GFM1: variants seen among roughly 807,000 people sequenced by gnomAD.
The protein encoded by GFM1 is G elongation factor mitochondrial 1.
Under a neutral mutation model 96.2 loss-of-function variants are expected in GFM1, and 62 were observed. That is an observed-to-expected ratio of 0.64 (90% CI 0.53 to 0.80). The LOEUF (loss-of-function observed/expected upper bound fraction) is 0.80. GFM1 is among the 30% of genes least tolerant of loss of function. GFM1 has a pLI of 0.00. For missense variants in GFM1, 852 were observed against 916.6 expected (o/e 0.93, Z 0.91); for synonymous variants, 282 against 312.9 (o/e 0.90, Z 1.04).
intron 13 of GFM1, among the ~76,000 whole-genome samples, chr3:158,681,661 T>C (rs1576786064): frequency 6.6e-6 from 1 of 152,204 alleles, no homozygotes; most frequent in Admixed American, 6.5e-5. Context: ...AAGAACACTG[T>C]GTTCCAGGGA....
rs145350556 is a variant in GFM1 at position 158,660,420 on chromosome 3, G to C, written c.1222-454G>C. ...CACCACCATCCCTGGCTAATTTTTT[G>C]TATTTTCAGTAGAGACAGGGTTTCA... On this transcript the variant is annotated intron_variant, in intron 9 of 17. Transcript: ENST00000486715. 14 of 161,090 alleles carry C rather than the reference G, an allele frequency of 8.7e-5. No homozygotes were observed. The East Asian group carries it at 2.5e-3, about 29-fold the overall frequency. 10.0% of individuals were successfully genotyped at this position (161,090 alleles called of 1,614,324 possible).
intron 11 of GFM1, 31 bp downstream of exon 11, chr3:158,662,715 A>C: frequency 1.5e-6 from 2 of 1,342,376 alleles, no homozygotes; most frequent in Non-Finnish European, 2.1e-6. Context: ...TCAGTATATC[A>C]CAATTAAAAC....
intron 14 of GFM1, chr3:158,682,467 G>A: frequency 6.5e-6 from 2 of 307,752 alleles, no homozygotes; most frequent in Non-Finnish European, 1.3e-5. Context: ...ATTTATAAGA[G>A]TTTTATGTGT....
rs766011688 is a variant in GFM1, at chr3:158,673,508, C to CTTTT, written c.1601+7139_1601+7142dup. On this transcript the variant is annotated intron_variant, in intron 13 of 17. Coordinates refer to ENST00000486715, the MANE Select transcript of GFM1 (RefSeq NM_024996.7). Reference sequence around the variant, plus strand: ...TTGAGACCTTTTTTTCTTTTCTTTTCTTTTTTTTTTTTTTTTTTTTGAGAT... The same window carrying CTTTT: ...TTGAGACCTTTTTTTCTTTTCTTTTCTTTTTTTTTTTTTTTTTTTTTTTTGAGAT... Among the ~76,000 whole-genome samples the CTTTT allele has an allele frequency of 3.5e-3, 398 of 114,180 alleles. 6 individuals carry two copies. The highest frequency in any genetic ancestry group is 8.4e-3 in the South Asian group (31 of 3,698). The allele number at this position is 114,180 out of a possible 152,430, so 74.9% of individuals were successfully genotyped here. A position where few individuals can be genotyped will look rare whatever the true frequency, so the allele number is the denominator to read the frequency against.
chr3:158,655,168 A>G (rs9830695), intron 8 of GFM1, among the ~76,000 whole-genome samples: 2,478 of 152,284 alleles, frequency 0.016, 54 homozygotes, highest in African/African-American at 0.058. Flanking sequence ...GAAAATGCCC[A>G]GCCAGTCGCA....
chr3:158,662,576 C>A (rs371110428), intron 10 of GFM1, 52 bp from the exon 11 acceptor site: 202 of 1,001,738 alleles, frequency 2.0e-4, no homozygotes, highest in Non-Finnish European at 3.0e-4. Flanking sequence ...TATCCCTGAC[C>A]CATATGGGTC....
intron 13 of GFM1, chr3:158,669,232 G>C: frequency 1.5e-6 from 2 of 1,333,620 alleles, no homozygotes; most frequent in Non-Finnish European, 2.1e-6. Flanking sequence ...TTCGAATGTT[G>C]TGCAAAAAAT....
intron 9 of GFM1, among the ~76,000 whole-genome samples, chr3:158,659,846 A>G (rs1301877954): frequency 2.6e-5 from 4 of 152,218 alleles, no homozygotes; most frequent in Admixed American, 2.6e-4. Context: ...AAAACCCGAC[A>G]GCGTTGCTGT....
chr3:158,674,877 A>C (rs939220356), intron 13 of GFM1, among the ~76,000 whole-genome samples: 2 of 152,252 alleles, frequency 1.3e-5, no homozygotes, highest in African/African-American at 4.8e-5. Context: ...GTCCAGGAAT[A>C]TCTAGTCCAA....
chr3:158,695,369 AAC>A lies in GFM1; in HGVS notation c.*3904_*3905del, dbSNP rs1726506431. The A allele has an allele frequency of 6.6e-6, 1 of 152,232 alleles. No homozygotes were observed. Among genetic ancestry groups the A allele is most frequent in the African/African-American group, 2.4e-5 (1 of 41,438 alleles). 9.4% of individuals were successfully genotyped at this position (152,232 alleles called of 1,614,324 possible). A position where few individuals can be genotyped will look rare whatever the true frequency, so the allele number is the denominator to read the frequency against. On this transcript the variant is annotated 3_prime_UTR_variant, in exon 18 of 18. Transcript: ENST00000486715. ...AGCACTCCAGCACTCCAGCCTAGGC[AAC>A]AGAGTGAGACTCTGTCTCAAAAAAA...
chr3:158,662,874 G>A (rs1723306231), intron 11 of GFM1, among the ~76,000 whole-genome samples, 190 bp downstream of exon 11: 1 of 152,108 alleles, frequency 6.6e-6, no homozygotes, highest in African/African-American at 2.4e-5. Context: ...TATATTTGAA[G>A]AAATGGATGG....
Position 158,691,161 on chromosome 3 carries a change from G to A in GFM1, c.2093G>A (p.Gly698Asp). 1 of 1,612,298 alleles carries A rather than the reference G, an allele frequency of 6.2e-7. No individual in the cohort carries two copies. Among genetic ancestry groups the A allele is most frequent in the South Asian group, 1.1e-5 (1 of 91,052 alleles). The change falls in exon 17 of 18, where the codon GGT (glycine) becomes GAT (aspartate). Residue 698 changes from glycine (G) to aspartate (D), a missense_variant. Transcript: ENST00000486715. ...CAGGTCCCTCTAAATGATATGTTTGGTTATTCCACTGAACTTAGGTCATGC... is the reference window on the plus strand; with the variant it reads ...CAGGTCCCTCTAAATGATATGTTTGATTATTCCACTGAACTTAGGTCATGC... Reference protein sequence around the residue: ...YADVPLNDMFGYSTELRSCTE... With the variant: ...YADVPLNDMFDYSTELRSCTE...
chr3:158,653,279 T>C (rs1210213007), intron 6 of GFM1, 31 bp from the exon 7 acceptor site: 12 of 1,573,938 alleles, frequency 7.6e-6, no homozygotes, highest in African/African-American at 1.3e-5. Flanking sequence ...AATTTTAACA[T>C]TAACTACCAT....
intron 5 of GFM1, chr3:158,649,990 G>A (rs1722161474): frequency 2.0e-6 from 3 of 1,534,194 alleles, no homozygotes; most frequent in East Asian, 4.9e-5. Flanking sequence ...CTGTAGCCTG[G>A]TCGTTTCTCC....
At chr3:158,644,842 GTCAGTGCTGAAAAGCACC>G (rs1447912746) in intron 1 of GFM1, 127 bp downstream of exon 1, 5 of 805,572 alleles carry the variant, frequency 6.2e-6, no homozygotes, top group Non-Finnish European at 1.1e-5. Flanking sequence ...GCAGTCGCTC[GTCAGTGCTGAAAAGCACC>G]TCGGTGCCTG....
At chr3:158,674,080 C>CTTTT (rs397877329) in intron 13 of GFM1, among the ~76,000 whole-genome samples, 2 of 133,026 alleles carry the variant, frequency 1.5e-5, no homozygotes, top group African/African-American at 5.6e-5. Flanking sequence ...CACACATGAC[C>CTTTT]TTTTTTTTTT....
intron 13 of GFM1, among the ~76,000 whole-genome samples, chr3:158,667,482 T>C (rs1429739716): frequency 6.6e-6 from 1 of 152,208 alleles, no homozygotes; most frequent in South Asian, 2.1e-4. Flanking sequence ...ACAGAAATTC[T>C]CTTTTTGAAA....
Position 158,691,536 on chromosome 3 carries a change from T to C in GFM1, c.*69T>C. Reference sequence around the variant, plus strand: ...GTTTTGATACTTTGATGGATTCCAGTGGAATAAATTCAGGCTGCTGAAACA... The same window carrying C: ...GTTTTGATACTTTGATGGATTCCAGCGGAATAAATTCAGGCTGCTGAAACA... On this transcript the variant is annotated 3_prime_UTR_variant, in exon 18 of 18. Transcript: ENST00000486715. 6.4e-7 allele frequency: 1 copy of C among 1,558,372 alleles called. No homozygotes were observed. Among genetic ancestry groups the C allele is most frequent in the Non-Finnish European group, 8.8e-7 (1 of 1,133,328 alleles).
chr3:158,678,925 T>A (rs1039585365), intron 13 of GFM1, among the ~76,000 whole-genome samples: 1 of 152,232 alleles, frequency 6.6e-6, no homozygotes, highest in Non-Finnish European at 1.5e-5. Context: ...TTCCAGCTAC[T>A]TGGGAGTCTG....
Sources: gnomAD v4.1 joint callset for allele counts (sites outside exome capture counted in the v4.1 genomes callset) on GRCh38, gnomAD v4.1.1 for gene constraint, MANE v1.5 for transcripts, NCBI Gene and HGNC (gene_info 2026-07-23, HGNC 2026-07-21) for gene names.